The following PHTF2 variants were observed in gnomAD, a reference collection of about 807,000 sequenced individuals.
The protein encoded by PHTF2 is putative homeodomain transcription factor 2.
Under a neutral mutation model 101.2 loss-of-function variants are expected in PHTF2, and 60 were observed. The observed-to-expected ratio is 0.59, with a 90% confidence interval of 0.48 to 0.73. PHTF2 has a LOEUF of 0.73. PHTF2 is among the 30% of genes least tolerant of loss of function. The probability of loss-of-function intolerance (pLI) is 0.00; values close to 1 mark genes in which losing one functional copy is unlikely to be tolerated. For synonymous variants in PHTF2, 311 were observed against 307.3 expected (o/e 1.01, Z -0.13); for missense variants, 747 against 908.7 (o/e 0.82, Z 2.29).
At chr7:77,823,388 T>G (rs1203339194) in intron 1 of PHTF2, among the ~76,000 whole-genome samples, 1 of 151,722 alleles carries the variant, frequency 6.6e-6, no homozygotes, top group Admixed American at 6.6e-5. Flanking sequence ...ACCCAGCTAA[T>G]TTTTGTATTT....
At chr7:77,893,466 T>C (rs776259635) in intron 3 of PHTF2, 142 bp from the exon 3 acceptor site, 6 of 447,448 alleles carry the variant, frequency 1.3e-5, no homozygotes, top group East Asian at 3.3e-5. Context: ...TGCAATAATA[T>C]GATACTGATC....
chr7:77,800,776 T>G (rs1792476409), intron 1 of PHTF2, among the ~76,000 whole-genome samples: 1 of 152,264 alleles, frequency 6.6e-6, no homozygotes, highest in Non-Finnish European at 1.5e-5. Flanking sequence ...TGTATATTAT[T>G]TAATCATTTT....
chr7:77,940,385 CATTAT>C, intron 14 of PHTF2, 83 bp downstream of exon 13: 1 of 1,319,000 alleles, frequency 7.6e-7, no homozygotes, highest in Non-Finnish European at 1.0e-6. Context: ...TTTATTATTT[CATTAT>C]ATCATTTTTA....
intron 2 of PHTF2, among the ~76,000 whole-genome samples, chr7:77,844,701 T>A (rs559367459): frequency 1.3e-5 from 2 of 152,096 alleles, no homozygotes; most frequent in Non-Finnish European, 2.9e-5. Flanking sequence ...ATTTTTGTAT[T>A]TTTAGTAGTG....
chr7:77,807,541 C>A (rs1461293440), intron 1 of PHTF2, among the ~76,000 whole-genome samples: 1 of 152,048 alleles, frequency 6.6e-6, no homozygotes, highest in African/African-American at 2.4e-5. Context: ...ATTTTAAAAT[C>A]AGGTTATTTG....
At chr7:77,880,949 G>A (rs987281738) in intron 3 of PHTF2, among the ~76,000 whole-genome samples, 1 of 152,116 alleles carries the variant, frequency 6.6e-6, no homozygotes, top group African/African-American at 2.4e-5. Context: ...TAACCTACTT[G>A]ACTGCTTCTA....
At chr7:77,947,837 C>CTTTTTATTTTT (rs1806198922) in intron 16 of PHTF2, among the ~76,000 whole-genome samples, 1 of 73,806 alleles carries the variant, frequency 1.4e-5, no homozygotes, top group Non-Finnish European at 2.4e-5. Flanking sequence ...TTTTTTCTTT[C>CTTTTTATTTTT]TTTTTTTTTT....
intron 13 of PHTF2, among the ~76,000 whole-genome samples, chr7:77,939,463 A>G (rs1805444513): frequency 6.6e-6 from 1 of 151,966 alleles, no homozygotes; most frequent in African/African-American, 2.4e-5. Flanking sequence ...AACCCAAAAA[A>G]TTAGCTGGGG....
intron 3 of PHTF2, among the ~76,000 whole-genome samples, chr7:77,863,675 ACTTTCT>A (rs1252646662): frequency 6.6e-6 from 1 of 150,952 alleles, no homozygotes; most frequent in African/African-American, 2.4e-5. Flanking sequence ...TTTAACCAAG[ACTTTCT>A]CTTTCCAAAA....
intron 13 of PHTF2, among the ~76,000 whole-genome samples, chr7:77,938,692 G>T (rs1013595637): frequency 5.9e-5 from 9 of 152,304 alleles, no homozygotes; most frequent in Admixed American, 5.9e-4. Context: ...CAGGAGAATG[G>T]CATTAACCTG....
intron 2 of PHTF2, among the ~76,000 whole-genome samples, chr7:77,842,303 A>C (rs1795952053): frequency 6.6e-6 from 1 of 152,140 alleles, no homozygotes. Context: ...TCCTGGGTTC[A>C]AGTGAACCTC....
At chr7:77,802,077 G>C (rs1391737595) in intron 1 of PHTF2, among the ~76,000 whole-genome samples, 1 of 152,198 alleles carries the variant, frequency 6.6e-6, no homozygotes, top group African/African-American at 2.4e-5. Context: ...AAGCCTTAAA[G>C]GTCTGAAGGT....
intron 1 of PHTF2, among the ~76,000 whole-genome samples, chr7:77,813,727 C>T (rs1793625693): frequency 6.6e-6 from 1 of 152,172 alleles, no homozygotes; most frequent in South Asian, 2.1e-4. Context: ...TTATTAAGTA[C>T]TTTTCTCTGT....
chr7:77,857,706 G>A (rs957101623), intron 3 of PHTF2, among the ~76,000 whole-genome samples: 6 of 152,232 alleles, frequency 3.9e-5, no homozygotes, highest in African/African-American at 1.2e-4. Flanking sequence ...CACAGGTTTT[G>A]GGTTTTAGAA....
In PHTF2 at chr7:77,940,028, AGG is replaced by A; in HGVS notation, c.1468-1_1468del. On this transcript the variant is annotated splice_acceptor_variant and coding_sequence_variant, in exon 14 of 20. Transcript: ENST00000416283. LOFTEE classifies it high-confidence loss of function. ...TCTCTCTCTTCCCCTGGCTCCCTCA[AGG>A]TGAACAGCCATATACCAGGAATAGG... 2.5e-6 allele frequency: 4 copies of A among 1,593,350 alleles called. No individual in the cohort carries two copies. Among genetic ancestry groups the A allele is most frequent in the Non-Finnish European group, 3.4e-6 (4 of 1,169,424 alleles).
chr7:77,839,158 C>A (rs1795687604), intron 1 of PHTF2, among the ~76,000 whole-genome samples: 1 of 152,132 alleles, frequency 6.6e-6, no homozygotes, highest in Non-Finnish European at 1.5e-5. Context: ...GTGCTTTACC[C>A]CCAGGATTTC....
At chr7:77,805,320 C>T (rs1792887395) in intron 1 of PHTF2, among the ~76,000 whole-genome samples, 1 of 152,080 alleles carries the variant, frequency 6.6e-6, no homozygotes, top group East Asian at 1.9e-4. Flanking sequence ...ATTCTCCTGG[C>T]TAGAGGTTTA....
chr7:77,853,405 T>C (rs1807786), intron 2 of PHTF2, among the ~76,000 whole-genome samples: 2,065 of 152,170 alleles, frequency 0.014, 51 homozygotes, highest in African/African-American at 0.047. Flanking sequence ...GGAATTTTTT[T>C]TTTTTTGAGA....
chr7:77,924,204 GTTT>G, intron 11 of PHTF2: 1 of 801,168 alleles, frequency 1.2e-6, no homozygotes, highest in Non-Finnish European at 1.5e-6. Flanking sequence ...GCTCTTTTGC[GTTT>G]TTATTTATAA....
Sources: allele counts gnomAD v4.1 joint callset (sites outside exome capture counted in the v4.1 genomes callset), GRCh38; gene constraint gnomAD v4.1.1; transcripts MANE v1.5; gene names NCBI Gene and HGNC (gene_info 2026-07-23, HGNC 2026-07-21).